The following PTPRD variants were observed in gnomAD, a reference collection of about 807,000 sequenced individuals.
PTPRD encodes receptor-type tyrosine-protein phosphatase delta.
A neutral mutation model predicts 214.5 loss-of-function variants in PTPRD; 34 were observed. The observed-to-expected ratio is 0.16, with a 90% CI of 0.12 to 0.21. The LOEUF is 0.21. Among genes scored for constraint, PTPRD ranks in the 10% least tolerant of loss-of-function variants. The probability of loss-of-function intolerance (pLI) is 1.00; values close to 1 mark genes in which losing one functional copy is unlikely to be tolerated. For missense variants in PTPRD, 2,545 were observed against 2,398.7 expected (o/e 1.06, Z -1.27); for synonymous variants, 1,128 against 845.7 (o/e 1.33, Z -5.79).
In PTPRD at chr9:8,710,729, A is replaced by G. The variant is rs543277664; in HGVS notation, c.64+23051T>C. Reference sequence around the variant, plus strand: ...GTCAGAATTAACAATTAACGATTTTATATCAGAAATAATAATTAGTATAAT... The same window carrying G: ...GTCAGAATTAACAATTAACGATTTTGTATCAGAAATAATAATTAGTATAAT... On this transcript the variant is annotated intron_variant, in intron 12 of 45. Coordinates refer to ENST00000381196, the MANE Select transcript of PTPRD (RefSeq NM_002839.4). Among the ~76,000 whole-genome samples the G allele has an allele frequency of 7.5e-4, 115 of 152,332 alleles. 1 individual carries two copies. Among genetic ancestry groups the G allele is most frequent in the African/African-American group, 2.7e-3 (113 of 41,580 alleles).
chr9:8,514,007 A>G (rs907899765), intron 21 of PTPRD, among the ~76,000 whole-genome samples: 15 of 152,142 alleles, frequency 9.9e-5, no homozygotes, highest in African/African-American at 3.6e-4. Context: ...CTATTCTAAT[A>G]TATCCATGTC....
chr9:8,386,573 A>T (rs1454217560), intron 37 of PTPRD, among the ~76,000 whole-genome samples: 1 of 152,148 alleles, frequency 6.6e-6, no homozygotes, highest in Admixed American at 6.5e-5. Flanking sequence ...GACTGGTGCC[A>T]CTTCCCTTCA....
At chr9:8,788,605 C>T (rs1297652109) in intron 11 of PTPRD, among the ~76,000 whole-genome samples, 3 of 152,082 alleles carry the variant, frequency 2.0e-5, no homozygotes, top group Admixed American at 6.5e-5. Flanking sequence ...AGCCTAAAAA[C>T]GTTTCCCTTA....
chr9:10,315,024 G>A (rs1210673902), intron 3 of PTPRD, among the ~76,000 whole-genome samples: 1 of 151,774 alleles, frequency 6.6e-6, no homozygotes, highest in Non-Finnish European at 1.5e-5. Context: ...GAGAGGTAGT[G>A]GATAGAAAAG....
intron 2 of PTPRD, among the ~76,000 whole-genome samples, chr9:10,343,034 T>G (rs1356309327): frequency 6.6e-6 from 1 of 152,206 alleles, no homozygotes; most frequent in Non-Finnish European, 1.5e-5. Flanking sequence ...ACGTGCAGTT[T>G]TGATACCTAG....
rs143757971 is a variant in PTPRD at position 8,330,966 on chromosome 9, CTAA to C, written c.5534+613_5534+615del. On this transcript the variant is annotated intron_variant, in intron 44 of 45. Transcript: ENST00000381196. Reference sequence around the variant, plus strand: ...TTTTGCATAGCAACTTCCAAAAACACTAAATTTATGGTGAATGTCTGAACTATT... The same window carrying C: ...TTTTGCATAGCAACTTCCAAAAACACATTTATGGTGAATGTCTGAACTATT... 1.3e-3 allele frequency among the ~76,000 whole-genome samples: 192 copies of C among 151,156 alleles called. 2 individuals carry two copies. Among genetic ancestry groups the C allele is most frequent in the African/African-American group, 4.6e-3 (187 of 40,592 alleles).
chr9:8,361,355 G>T lies in PTPRD; in HGVS notation c.4661+14581C>A, dbSNP rs1050211623. ...TGCTGAGTGAAAATTTTAAAAGACT[G>T]CAAGCCAAATGTTGCTAAGGACAAT... On this transcript the variant is annotated intron_variant, in intron 39 of 45. Coordinates refer to ENST00000381196, the MANE Select transcript of PTPRD (RefSeq NM_002839.4). 5.3e-5 allele frequency among the ~76,000 whole-genome samples: 8 copies of T among 152,168 alleles called. No individual in the cohort carries two copies. The East Asian group carries it at 1.4e-3, about 26-fold the overall frequency.
intron 6 of PTPRD, among the ~76,000 whole-genome samples, chr9:9,743,283 G>C (rs1407840624): frequency 6.6e-6 from 1 of 152,150 alleles, no homozygotes; most frequent in Non-Finnish European, 1.5e-5. Context: ...ATGAGTCCAA[G>C]AGGGCTGGAA....
intron 33 of PTPRD, among the ~76,000 whole-genome samples, chr9:8,458,807 T>C (rs1219017882): frequency 6.6e-6 from 1 of 152,062 alleles, no homozygotes; most frequent in African/African-American, 2.4e-5. Flanking sequence ...AATCATCAAA[T>C]GAGAGGAGAT....
At chr9:9,183,185 G>C (rs1208950415) in intron 10 of PTPRD, 119 bp downstream of exon 10, 1 of 151,900 alleles carries the variant, frequency 6.6e-6, no homozygotes. Flanking sequence ...AAATGTTTGA[G>C]TATTTTATCC....
chr9:10,525,951 G>C (rs1007371651), intron 2 of PTPRD, among the ~76,000 whole-genome samples: 4 of 151,902 alleles, frequency 2.6e-5, no homozygotes, highest in Non-Finnish European at 4.4e-5. Context: ...AACCTCATGC[G>C]GTTATTTACA....
intron 33 of PTPRD, among the ~76,000 whole-genome samples, chr9:8,453,850 G>C (rs890894833): frequency 6.6e-6 from 1 of 152,154 alleles, no homozygotes; most frequent in Non-Finnish European, 1.5e-5. Flanking sequence ...TGGTCCAGAG[G>C]CCACTCAATG....
chr9:9,182,641 G>T (rs2099928870), intron 10 of PTPRD, among the ~76,000 whole-genome samples: 1 of 152,002 alleles, frequency 6.6e-6, no homozygotes, highest in South Asian at 2.1e-4. Flanking sequence ...GTCCTTGGCA[G>T]AGGATTTTAA....
At chr9:9,041,165 T>C (rs1434447854) in intron 10 of PTPRD, among the ~76,000 whole-genome samples, 1 of 152,158 alleles carries the variant, frequency 6.6e-6, no homozygotes, top group East Asian at 1.9e-4. Context: ...GGAATATATA[T>C]GAAAATATTA....
chr9:8,821,013 A>C (rs1372546136), intron 11 of PTPRD, among the ~76,000 whole-genome samples: 5 of 152,186 alleles, frequency 3.3e-5, no homozygotes, highest in Non-Finnish European at 7.3e-5. Flanking sequence ...TGAAACTTTC[A>C]ACTTATAGCC....
intron 30 of PTPRD, among the ~76,000 whole-genome samples, chr9:8,476,920 C>G (rs1444151969): frequency 2.6e-5 from 4 of 152,008 alleles, no homozygotes; most frequent in Non-Finnish European, 5.9e-5. Flanking sequence ...ATGGCATGCC[C>G]AAATAGAGTT....
chr9:8,553,703 G>A (rs2082810392), intron 14 of PTPRD, among the ~76,000 whole-genome samples: 2 of 152,120 alleles, frequency 1.3e-5, no homozygotes, highest in Admixed American at 6.5e-5. Context: ...TAAAATGTAT[G>A]TTCTCTTTTT....
intron 3 of PTPRD, among the ~76,000 whole-genome samples, chr9:10,316,134 T>G (rs955672572): frequency 6.9e-4 from 102 of 147,814 alleles, no homozygotes; most frequent in Non-Finnish European, 1.2e-3. Flanking sequence ...TATATACATA[T>G]ATACACATAC....
At chr9:10,512,214 T>C (rs1336969088) in intron 2 of PTPRD, among the ~76,000 whole-genome samples, 2 of 150,570 alleles carry the variant, frequency 1.3e-5, no homozygotes, top group Non-Finnish European at 3.0e-5. Context: ...AAAAAATCAG[T>C]AAAAATTAAA....
Sources: gnomAD v4.1 joint callset for allele counts (sites outside exome capture counted in the v4.1 genomes callset) on GRCh38, gnomAD v4.1.1 for gene constraint, MANE v1.5 for transcripts, NCBI Gene and HGNC (gene_info 2026-07-23, HGNC 2026-07-21) for gene names.